The following ZBTB20 variants were observed in gnomAD, a reference collection of about 807,000 sequenced individuals.
The protein encoded by ZBTB20 is zinc finger and BTB domain containing 20.
Under a neutral mutation model 56.9 loss-of-function variants are expected in ZBTB20, and 9 were observed. That is an observed-to-expected ratio of 0.16 (90% confidence interval 0.10 to 0.28). The LOEUF is 0.28. Ranked by LOEUF, ZBTB20 falls within the 10% of genes least tolerant of loss-of-function variation. The probability of loss-of-function intolerance (pLI) is 1.00; values close to 1 mark genes in which losing one functional copy is unlikely to be tolerated. For synonymous variants in ZBTB20, 417 were observed against 420.7 expected (o/e 0.99, Z 0.11); for missense variants, 655 against 1,003.0 (o/e 0.65, Z 4.69).
In ZBTB20 at chr3:114,326,010, G is replaced by A. The variant is rs1456079302; in HGVS notation, c.*12995C>T. On this transcript the variant is annotated 3_prime_UTR_variant, in exon 12 of 12. Coordinates refer to ENST00000675478, the MANE Select transcript of ZBTB20 (RefSeq NM_001348800.3). ...TGCCTGGGGTTGGGGCAGGTGCAGG[G>A]GTGTGGGGAAGGAGAGAGAAGCAAT... 1.3e-5 allele frequency: 2 copies of A among 152,084 alleles called. No homozygotes were observed. The highest frequency in any genetic ancestry group is 4.8e-5 in the African/African-American group (2 of 41,394). 9.4% of individuals were successfully genotyped at this position (152,084 alleles called of 1,614,324 possible).
chr3:114,580,605 C>T (rs887909498), intron 6 of ZBTB20, among the ~76,000 whole-genome samples: 4 of 151,716 alleles, frequency 2.6e-5, no homozygotes, highest in Non-Finnish European at 5.9e-5. Flanking sequence ...GAGAATTTAC[C>T]AGTTTAGTTA....
rs1421224666 is a variant in ZBTB20, at chr3:114,315,007, G to C, written c.*23998C>G. ...TTTTAAAGCACTTGATAGAAAAGGCGTATGCAAGGTTTTTCCAAACAATTT... is the reference window on the plus strand; with the variant it reads ...TTTTAAAGCACTTGATAGAAAAGGCCTATGCAAGGTTTTTCCAAACAATTT... On this transcript the variant is annotated 3_prime_UTR_variant, in exon 12 of 12. Coordinates refer to ENST00000675478, the MANE Select transcript of ZBTB20 (RefSeq NM_001348800.3). 6.6e-6 allele frequency: 1 copy of C among 152,038 alleles called. No individual in the cohort carries two copies. Among genetic ancestry groups the C allele is most frequent in the Non-Finnish European group, 1.5e-5 (1 of 67,998 alleles). The allele number at this position is 152,038 out of a possible 1,614,324, so 9.4% of individuals were successfully genotyped here.
intron 3 of ZBTB20, among the ~76,000 whole-genome samples, chr3:114,935,768 C>A (rs1317861968): frequency 2.6e-5 from 4 of 152,118 alleles, no homozygotes; most frequent in African/African-American, 9.7e-5. Flanking sequence ...GTTTTAAGCA[C>A]CTCTTACCCC....
At position 114,801,316 on chromosome 3, in the gene ZBTB20, T is replaced by C. The variant is rs535969184; in HGVS notation, c.-416-142A>G. On this transcript the variant is annotated intron_variant, in intron 4 of 11. Transcript: ENST00000675478. Reference sequence around the variant, plus strand: ...GCTTTTCTTTTTTTCTTTTTTTTTTTTTTTTCTGTTAAGGAAAAAAAAAAA... The same window carrying C: ...GCTTTTCTTTTTTTCTTTTTTTTTTCTTTTTCTGTTAAGGAAAAAAAAAAA... The C allele has an allele frequency of 7.4e-5, 11 of 149,310 alleles. No individual in the cohort carries two copies. In the South Asian group the frequency reaches 2.3e-3, roughly 32 times the overall value. 9.2% of individuals were successfully genotyped at this position (149,310 alleles called of 1,614,324 possible). A position where few individuals can be genotyped will look rare whatever the true frequency, so the allele number is the denominator to read the frequency against.
intron 7 of ZBTB20, among the ~76,000 whole-genome samples, chr3:114,389,583 C>A (rs189796329): frequency 2.0e-4 from 31 of 151,480 alleles, no homozygotes; most frequent in Admixed American, 5.3e-4. Context: ...ATGGCTAAAT[C>A]AAACTAATTA....
intron 2 of ZBTB20, among the ~76,000 whole-genome samples, chr3:115,061,625 A>G (rs145155965): frequency 1.7e-3 from 252 of 152,230 alleles, no homozygotes; most frequent in African/African-American, 5.9e-3. Context: ...TATTCTCCCA[A>G]GTAATGCCTC....
chr3:114,542,550 G>A (rs1455359572), intron 6 of ZBTB20, among the ~76,000 whole-genome samples: 1 of 152,182 alleles, frequency 6.6e-6, no homozygotes, highest in Non-Finnish European at 1.5e-5. Context: ...AAGAGGAGGG[G>A]CTGGGGAAGG....
intron 4 of ZBTB20, among the ~76,000 whole-genome samples, chr3:114,831,811 T>G (rs1448089842): frequency 6.6e-6 from 1 of 152,072 alleles, no homozygotes; most frequent in Non-Finnish European, 1.5e-5. Context: ...TGAAAGATCT[T>G]GGACTTTATC....
At chr3:114,620,420 G>T (rs1365911643) in intron 6 of ZBTB20, among the ~76,000 whole-genome samples, 1 of 152,066 alleles carries the variant, frequency 6.6e-6, no homozygotes, top group Non-Finnish European at 1.5e-5. Flanking sequence ...AGCCTCCCGA[G>T]CAGCTAGGAT....
intron 4 of ZBTB20, among the ~76,000 whole-genome samples, chr3:114,884,648 G>T (rs2076536498): frequency 6.6e-6 from 1 of 152,118 alleles, no homozygotes. Context: ...GTTTCAAGAT[G>T]AAAGTAGAAA....
chr3:114,357,595 AATGGAC>A (rs1246383435), intron 10 of ZBTB20, among the ~76,000 whole-genome samples: 1 of 152,166 alleles, frequency 6.6e-6, no homozygotes, highest in Non-Finnish European at 1.5e-5. Context: ...AGTTTTTATA[AATGGAC>A]ATGTTTATAC....
At chr3:114,603,936 A>T (rs1469948225) in intron 6 of ZBTB20, among the ~76,000 whole-genome samples, 2 of 152,046 alleles carry the variant, frequency 1.3e-5, no homozygotes, top group African/African-American at 4.8e-5. Flanking sequence ...GTACTTTTAT[A>T]TATGCCAATG....
chr3:114,851,454 C>CAT lies in ZBTB20; in HGVS notation c.-417+48848_-417+48849dup, dbSNP rs150999864. Among the ~76,000 whole-genome samples the CAT allele has an allele frequency of 2.2e-3, 337 of 152,012 alleles. 2 individuals are homozygous for CAT. The highest frequency in any genetic ancestry group is 7.6e-3 in the Admixed American group (116 of 15,266). On this transcript the variant is annotated intron_variant, in intron 4 of 11. Transcript: ENST00000675478. ...TTATCCCTTATGTTCAAATTTTTCA[C>CAT]ATATATATATAAAGTATTCATTATA... is the stretch of plus-strand genomic sequence containing the variant.
At chr3:115,045,962 T>C (rs1176908876) in intron 2 of ZBTB20, among the ~76,000 whole-genome samples, 1 of 152,176 alleles carries the variant, frequency 6.6e-6, no homozygotes, top group Non-Finnish European at 1.5e-5. Context: ...TTACAATCTT[T>C]CATCAAGGTA....
intron 6 of ZBTB20, among the ~76,000 whole-genome samples, chr3:114,682,277 T>C (rs2062022314): frequency 6.6e-6 from 1 of 152,174 alleles, no homozygotes; most frequent in Non-Finnish European, 1.5e-5. Context: ...ATCCCCAAAG[T>C]TTGAAAACAA....
chr3:114,966,456 T>C (rs74883871), intron 3 of ZBTB20, among the ~76,000 whole-genome samples: 2,136 of 152,266 alleles, frequency 0.014, 40 homozygotes, highest in South Asian at 0.075. Flanking sequence ...TATTTAACAC[T>C]TTCTATGTGC....
chr3:114,801,306 T>C (rs2071690521), intron 4 of ZBTB20, 132 bp from the exon 5 acceptor site: 1 of 129,920 alleles, frequency 7.7e-6, no homozygotes, highest in Admixed American at 7.5e-5. Flanking sequence ...TCTTTTTTTC[T>C]TTTTTTTTTT....
At chr3:114,570,226 T>C (rs568190327) in intron 6 of ZBTB20, among the ~76,000 whole-genome samples, 2 of 152,040 alleles carry the variant, frequency 1.3e-5, no homozygotes, top group South Asian at 4.2e-4. Context: ...AGTGAGATCA[T>C]AGAATTTTTT....
At chr3:114,599,126 CT>C (rs1342888068) in intron 6 of ZBTB20, 3 of 152,086 alleles carry the variant, frequency 2.0e-5, no homozygotes, top group Non-Finnish European at 4.4e-5. Context: ...TATTCATCTG[CT>C]ATTGCCCCCT....
Sources: allele counts gnomAD v4.1 joint callset (sites outside exome capture counted in the v4.1 genomes callset), GRCh38; gene constraint gnomAD v4.1.1; transcripts MANE v1.5; gene names NCBI Gene and HGNC (gene_info 2026-07-23, HGNC 2026-07-21).